The following LYZL1 variants were observed in gnomAD, a reference collection of about 807,000 sequenced individuals.
LYZL1 encodes lysozyme-like protein 1.
LYZL1 carries 16 observed loss-of-function variants against 17.9 expected under a neutral mutation model. That is an observed-to-expected ratio of 0.90 (90% CI 0.61 to 1.36). The LOEUF is 1.36. Ranked by LOEUF, LYZL1 falls within the 40% of genes most tolerant of loss-of-function variation. The pLI is 0.00. For synonymous variants in LYZL1, 58 were observed against 71.8 expected, an observed-to-expected ratio of 0.81 and a Z score of 0.97; for missense variants, 149 against 188.4, an observed-to-expected ratio of 0.79 and a Z score of 1.22.
chr10:29,300,001 C>T (rs762250125), intron 3 of LYZL1, among the ~76,000 whole-genome samples: 2 of 152,152 alleles, frequency 1.3e-5, no homozygotes, highest in East Asian at 1.9e-4. Flanking sequence ...TACTCAACCA[C>T]GACAGAGTGT....
intron 3 of LYZL1, among the ~76,000 whole-genome samples, chr10:29,305,516 G>A (rs1835577642): frequency 6.6e-6 from 1 of 152,130 alleles, no homozygotes; most frequent in South Asian, 2.1e-4. Flanking sequence ...GAGATTTTGC[G>A]TGAAGAGATT....
intron 3 of LYZL1, among the ~76,000 whole-genome samples, chr10:29,294,525 G>A (rs986107388): frequency 1.3e-5 from 2 of 152,212 alleles, no homozygotes; most frequent in African/African-American, 4.8e-5. Context: ...CCTCTAGAGT[G>A]TAAGTCCCTT....
intron 3 of LYZL1, among the ~76,000 whole-genome samples, chr10:29,300,021 C>A (rs1015058037): frequency 6.6e-6 from 1 of 152,118 alleles, no homozygotes; most frequent in African/African-American, 2.4e-5. Flanking sequence ...TGAACGCAGC[C>A]ATAGAAAGTA....
At chr10:29,313,997 T>C (rs955764262), downstream of LYZL1, among the ~76,000 whole-genome samples, 2 of 152,212 alleles carry the variant, frequency 1.3e-5, no homozygotes, top group Admixed American at 1.3e-4. Flanking sequence ...TCCCAACTTG[T>C]TCCCTGTTGT....
chr10:29,306,203 A>G (rs1440064888), intron 3 of LYZL1, among the ~76,000 whole-genome samples: 2 of 137,660 alleles, frequency 1.5e-5, no homozygotes, highest in South Asian at 2.3e-4. Flanking sequence ...GCTGTCAAAC[A>G]TGAGAACCAC....
intron 3 of LYZL1, among the ~76,000 whole-genome samples, chr10:29,306,317 G>A (rs2768667): frequency 3.3e-5 from 5 of 150,666 alleles, no homozygotes; most frequent in African/African-American, 9.7e-5. Flanking sequence ...TTGGGAGGCC[G>A]AGGCGGGCGG....
intron 3 of LYZL1, among the ~76,000 whole-genome samples, chr10:29,299,906 T>G (rs1835494839): frequency 6.6e-6 from 1 of 152,234 alleles, no homozygotes; most frequent in Admixed American, 6.5e-5. Flanking sequence ...TAGGAGTGAT[T>G]AAACCATAGG....
intron 3 of LYZL1, among the ~76,000 whole-genome samples, chr10:29,298,409 C>A (rs561497673): frequency 6.6e-6 from 1 of 152,268 alleles, no homozygotes; most frequent in East Asian, 1.9e-4. Flanking sequence ...TCTGTCCCTT[C>A]CCTGCTGATG....
intron 4 of LYZL1, 141 bp downstream of exon 4, chr10:29,310,329 C>T: frequency 1.6e-6 from 1 of 633,354 alleles, no homozygotes; most frequent in Non-Finnish European, 2.8e-6. Context: ...ATATTCTCCT[C>T]CATCAGTGTG....
chr10:29,302,244 C>A (rs1420907138), intron 3 of LYZL1, among the ~76,000 whole-genome samples: 1 of 152,116 alleles, frequency 6.6e-6, no homozygotes, highest in African/African-American at 2.4e-5. Context: ...CGAGTCTTGT[C>A]TTCTTAGTTT....
At chr10:29,308,236 T>C (rs1170381243) in intron 3 of LYZL1, among the ~76,000 whole-genome samples, 1 of 152,174 alleles carries the variant, frequency 6.6e-6, no homozygotes, top group African/African-American at 2.4e-5. Flanking sequence ...CAGGTGCAGG[T>C]TGTTCCCTTC....
intron 3 of LYZL1, among the ~76,000 whole-genome samples, chr10:29,293,127 C>CTTTTCTTTTTTTTTTT (rs1835397932): frequency 1.6e-4 from 17 of 104,194 alleles, no homozygotes; most frequent in South Asian, 3.3e-4. Flanking sequence ...CTTTTCTTTT[C>CTTTTCTTTTTTTTTTT]TTTTTTCTTT....
intron 1 of LYZL1, among the ~76,000 whole-genome samples, chr10:29,291,080 C>T (rs1835357815): frequency 6.6e-6 from 1 of 152,106 alleles, no homozygotes; most frequent in African/African-American, 2.4e-5. Flanking sequence ...TCACGGGCAC[C>T]GACGCCTGCT....
At chr10:29,307,679 T>A (rs1360413916) in intron 3 of LYZL1, among the ~76,000 whole-genome samples, 1 of 152,258 alleles carries the variant, frequency 6.6e-6, no homozygotes, top group African/African-American at 2.4e-5. Flanking sequence ...TTTAAATGGC[T>A]GTTTATTTTA....
rs536512387 is a variant in LYZL1, at chr10:29,296,047, G to A, written c.298+3370G>A. On this transcript the variant is annotated intron_variant, in intron 3 of 4. Coordinates refer to ENST00000649382, the MANE Select transcript of LYZL1 (RefSeq NM_032517.6). The stretch of plus-strand genomic sequence containing the variant: ...ATCCCCTGGCACTCTTCCAGCCATC[G>A]GAACTGTAAGGAAATTTTGCAGTGT... Among the ~76,000 whole-genome samples the A allele has an allele frequency of 4.6e-5, 7 of 152,220 alleles. No homozygotes were observed. The East Asian group carries it at 5.8e-4, about 13-fold the overall frequency.
At chr10:29,305,686 G>A (rs143790310) in intron 3 of LYZL1, among the ~76,000 whole-genome samples, 49 of 152,304 alleles carry the variant, frequency 3.2e-4, no homozygotes, top group African/African-American at 1.0e-3. Flanking sequence ...AAATGCCAGC[G>A]AATTTGCATA....
downstream of LYZL1, among the ~76,000 whole-genome samples, chr10:29,315,231 C>T (rs550483685): frequency 6.7e-4 from 102 of 152,174 alleles, no homozygotes; most frequent in Admixed American, 1.2e-3. Flanking sequence ...AAATTTAGGC[C>T]GGGCGCAGTG....
chr10:29,297,084 GAAA>G (rs35535332), intron 3 of LYZL1, among the ~76,000 whole-genome samples: 4 of 123,072 alleles, frequency 3.3e-5, no homozygotes, highest in Non-Finnish European at 3.4e-5. Flanking sequence ...TGCTTTTTTT[GAAA>G]AAAAAAAAAA....
chr10:29,311,259 A>T, downstream of LYZL1: 1 of 1,439,638 alleles, frequency 6.9e-7, no homozygotes, highest in South Asian at 1.4e-5. Context: ...ATGTCATAAT[A>T]GCATGGTGTT....
Sources: allele counts gnomAD v4.1 joint callset (sites outside exome capture counted in the v4.1 genomes callset), GRCh38; gene constraint gnomAD v4.1.1; transcripts MANE v1.5; gene names NCBI Gene and HGNC (gene_info 2026-07-23, HGNC 2026-07-21).